The following DDX19B variants were observed in gnomAD, a reference collection of about 807,000 sequenced individuals.
DDX19B encodes ATP-dependent RNA helicase DDX19B.
In DDX19B, 27 loss-of-function variants were observed where a neutral mutation model predicts 58.1. The ratio of observed to expected loss-of-function variants is 0.46; its 90% CI spans 0.34 to 0.64. The LOEUF is 0.64. Ranked by LOEUF, DDX19B falls within the 30% of genes least tolerant of loss-of-function variation. The pLI, the probability that DDX19B is intolerant of heterozygous loss-of-function variation, is 0.01. For synonymous variants in DDX19B, 187 were observed against 214.4 expected (o/e 0.87, Z 1.12); for missense variants, 399 against 596.5 (o/e 0.67, Z 3.45).
intron 6 of DDX19B, among the ~76,000 whole-genome samples, chr16:70,325,348 T>G (rs1387918304): frequency 6.6e-6 from 1 of 152,244 alleles, no homozygotes; most frequent in Non-Finnish European, 1.5e-5. Flanking sequence ...GTTTTTGTAT[T>G]GCAGTGGCCA....
chr16:70,314,860 T>C (rs1482288202), intron 2 of DDX19B, 42 bp from the exon 3 acceptor site: 4 of 1,601,060 alleles, frequency 2.5e-6, no homozygotes, highest in Non-Finnish European at 3.4e-6. Flanking sequence ...CTGTTGGGTA[T>C]GGGATGCGAT....
intron 1 of DDX19B, among the ~76,000 whole-genome samples, chr16:70,304,891 C>T (rs115189349): frequency 0.011 from 1,666 of 151,790 alleles, 25 homozygotes; most frequent in African/African-American, 0.038. Context: ...TCCTTTTTTA[C>T]AGACAATACC....
intron 6 of DDX19B, among the ~76,000 whole-genome samples, 178 bp downstream of exon 6, chr16:70,324,865 A>G (rs1963058811): frequency 6.6e-6 from 1 of 152,182 alleles, no homozygotes. Context: ...CAGCCTGGCC[A>G]ACATGGTGAA....
At chr16:70,313,797 C>T (rs1024188806) in intron 2 of DDX19B, among the ~76,000 whole-genome samples, 4 of 152,212 alleles carry the variant, frequency 2.6e-5, no homozygotes, top group Non-Finnish European at 5.9e-5. Flanking sequence ...CAGTATCATT[C>T]GACTATAAAT....
upstream of DDX19B, among the ~76,000 whole-genome samples, chr16:70,293,126 A>G (rs1188340889): frequency 6.6e-6 from 1 of 151,680 alleles, no homozygotes; most frequent in Non-Finnish European, 1.5e-5. Flanking sequence ...AAAAACAACA[A>G]ACAGAAACAG....
At chr16:70,302,269 C>T (rs1961527487) in intron 1 of DDX19B, among the ~76,000 whole-genome samples, 1 of 152,060 alleles carries the variant, frequency 6.6e-6, no homozygotes, top group Non-Finnish European at 1.5e-5. Flanking sequence ...ATAATTTACA[C>T]AGAGTAAAAT....
In DDX19B at chr16:70,299,461, G is replaced by T. The variant is rs377437705; in HGVS notation, c.57+107G>T. 15 of 1,323,044 alleles carry T rather than the reference G, an allele frequency of 1.1e-5. No individual in the cohort carries two copies. The Middle Eastern group carries it at 1.3e-3, about 119-fold the overall frequency. The allele number at this position is 1,323,044 out of a possible 1,614,324, so 82.0% of individuals were successfully genotyped here. A position where few individuals can be genotyped will look rare whatever the true frequency, so the allele number is the denominator to read the frequency against. Reference sequence around the variant, plus strand: ...TTGATTAGAGGCTGGATGGGGTGGCGGGGAGGATAGGGATGGAGCCTGGAC... The same window carrying T: ...TTGATTAGAGGCTGGATGGGGTGGCTGGGAGGATAGGGATGGAGCCTGGAC... On this transcript the variant is annotated intron_variant, in intron 1 of 11. Transcript: ENST00000288071.
intron 5 of DDX19B, among the ~76,000 whole-genome samples, chr16:70,321,789 T>C (rs1962834598): frequency 6.6e-6 from 1 of 152,022 alleles, no homozygotes; most frequent in South Asian, 2.1e-4. Flanking sequence ...ATCCCAGCCC[T>C]TTGGGAGGCC....
chr16:70,294,060 C>T (rs1018342783), upstream of DDX19B, among the ~76,000 whole-genome samples: 1 of 149,988 alleles, frequency 6.7e-6, no homozygotes, highest in East Asian at 2.0e-4. Context: ...GGGGTAGGGC[C>T]TGAGAGCCTG....
At chr16:70,303,660 C>G (rs1203012738) in intron 1 of DDX19B, among the ~76,000 whole-genome samples, 1 of 152,064 alleles carries the variant, frequency 6.6e-6, no homozygotes, top group Non-Finnish European at 1.5e-5. Flanking sequence ...AGGCTCACGC[C>G]ATTCTCCTGC....
intron 1 of DDX19B, among the ~76,000 whole-genome samples, chr16:70,306,951 T>G (rs546443397): frequency 4.3e-4 from 65 of 152,320 alleles, no homozygotes; most frequent in African/African-American, 6.5e-4. Flanking sequence ...TTTTAAACAT[T>G]TCATATAAAT....
At chr16:70,306,214 T>C (rs1961745100) in intron 1 of DDX19B, among the ~76,000 whole-genome samples, 1 of 152,078 alleles carries the variant, frequency 6.6e-6, no homozygotes, top group African/African-American at 2.4e-5. Flanking sequence ...TGCAGTGGTG[T>C]GTACATGGCT....
intron 7 of DDX19B, among the ~76,000 whole-genome samples, chr16:70,328,359 ATTTTTTTT>A (rs1202085538): frequency 7.6e-6 from 1 of 131,378 alleles, no homozygotes; most frequent in East Asian, 2.1e-4. Context: ...AGAATTCTGA[ATTTTTTTT>A]TTTTTTTTTT....
upstream of DDX19B, among the ~76,000 whole-genome samples, chr16:70,295,422 C>G (rs969034496): frequency 1.3e-5 from 2 of 151,862 alleles, no homozygotes; most frequent in African/African-American, 4.8e-5. Context: ...TACAGGCTCA[C>G]GCCACCACGC....
chr16:70,312,041 C>G (rs1406035749), intron 1 of DDX19B, among the ~76,000 whole-genome samples: 1 of 152,030 alleles, frequency 6.6e-6, no homozygotes. Context: ...GGGGTTTCAC[C>G]ATGTTGGCCA....
intron 7 of DDX19B, among the ~76,000 whole-genome samples, chr16:70,327,560 CAA>C (rs1375222835): frequency 7.6e-6 from 1 of 131,632 alleles, no homozygotes; most frequent in African/African-American, 2.5e-5. Flanking sequence ...AAAAAACAAA[CAA>C]ATTTTTTTTT....
intron 9 of DDX19B, among the ~76,000 whole-genome samples, chr16:70,330,315 G>A (rs1382164517): frequency 2.0e-5 from 3 of 152,168 alleles, no homozygotes; most frequent in Non-Finnish European, 2.9e-5. Context: ...CGGCTGGCAC[G>A]GTGGCTCATG....
upstream of DDX19B, among the ~76,000 whole-genome samples, chr16:70,294,371 G>A (rs1398455091): frequency 6.6e-6 from 1 of 152,134 alleles, no homozygotes; most frequent in African/African-American, 2.4e-5. Flanking sequence ...GTGAGCCACC[G>A]TGCCCGGCCG....
At chr16:70,298,237 C>A (rs1278997571), upstream of DDX19B, among the ~76,000 whole-genome samples, 1 of 151,998 alleles carries the variant, frequency 6.6e-6, no homozygotes, top group Non-Finnish European at 1.5e-5. Context: ...GAAACACCAT[C>A]TCTATTAAAA....
Sources: gnomAD v4.1 joint callset for allele counts (sites outside exome capture counted in the v4.1 genomes callset) on GRCh38, gnomAD v4.1.1 for gene constraint, MANE v1.5 for transcripts, NCBI Gene and HGNC (gene_info 2026-07-23, HGNC 2026-07-21) for gene names.